Variants in PTPRQ observed in about 807,000 individuals in gnomAD.
PTPRQ encodes phosphatidylinositol phosphatase PTPRQ.
A neutral mutation model predicts 246.0 loss-of-function variants in PTPRQ; 199 were observed. The ratio of observed to expected loss-of-function variants is 0.81; its 90% CI spans 0.72 to 0.91. The LOEUF (loss-of-function observed/expected upper bound fraction) is 0.91, where lower values mean the gene tolerates loss of function less well. Among genes scored for constraint, PTPRQ ranks in the 40% least tolerant of loss-of-function variants. The pLI is 0.00. For missense variants in PTPRQ, 2,624 were observed against 2,528.4 expected (o/e 1.04, Z -0.81); for synonymous variants, 869 against 853.2 (o/e 1.02, Z -0.32).
At chr12:80,478,686 C>G (rs1030865025) in intron 8 of PTPRQ, among the ~76,000 whole-genome samples, 8 of 152,122 alleles carry the variant, frequency 5.3e-5, no homozygotes, top group Non-Finnish European at 1.2e-4. Context: ...CTTAAAGGAG[C>G]TGATGGAACT....
In PTPRQ at chr12:80,628,927, A is replaced by G. The variant is rs78333359; in HGVS notation, c.5687-3265A>G. Among the ~76,000 whole-genome samples, 927 of 152,190 alleles carry G rather than the reference A, an allele frequency of 6.1e-3. 10 individuals carry two copies. Among genetic ancestry groups the G allele is most frequent in the African/African-American group, 0.021 (863 of 41,522 alleles). On this transcript the variant is annotated intron_variant, in intron 33 of 44. Transcript: ENST00000644991. ...AGTCTGCTCAGGCTGCCATCACAAA[A>G]TATCATAGATGGGGTGTGTTAAACA...
In PTPRQ at chr12:80,450,404, C is replaced by T. The variant is rs150980677; in HGVS notation, c.390+4687C>T. ...TGGCTAATTGCCCTGGGCAGAACTT[C>T]CAACACTATGTTGAATAGGAGTGGT... On this transcript the variant is annotated intron_variant, in intron 3 of 44. Coordinates refer to ENST00000644991, the MANE Select transcript of PTPRQ (RefSeq NM_001145026.2). Among the ~76,000 whole-genome samples, 186 of 152,308 alleles carry T rather than the reference C, an allele frequency of 1.2e-3. 2 individuals are homozygous for T. The East Asian group carries it at 0.015, about 13-fold the overall frequency.
chr12:80,672,482 A>T (rs976858303), intron 42 of PTPRQ, among the ~76,000 whole-genome samples: 2 of 151,690 alleles, frequency 1.3e-5, no homozygotes, highest in Non-Finnish European at 2.9e-5. Flanking sequence ...ACTTTCAAAA[A>T]TTTTTTTCGA....
intron 32 of PTPRQ, among the ~76,000 whole-genome samples, chr12:80,621,716 A>AT (rs1169177861): frequency 2.8e-4 from 43 of 152,010 alleles, no homozygotes; most frequent in African/African-American, 9.7e-4. Context: ...TTATTTATAA[A>AT]TTATGTTAGT....
intron 28 of PTPRQ, among the ~76,000 whole-genome samples, chr12:80,611,887 T>C (rs1286594247): frequency 6.6e-6 from 1 of 150,492 alleles, no homozygotes; most frequent in Non-Finnish European, 1.5e-5. Context: ...CAACTTAACC[T>C]TTATTTTAGC....
chr12:80,569,449 T>C (rs1897079232), intron 25 of PTPRQ, among the ~76,000 whole-genome samples: 1 of 148,604 alleles, frequency 6.7e-6, no homozygotes, highest in Non-Finnish European at 1.5e-5. Flanking sequence ...AGATGACGAG[T>C]TAGTGGGTGC....
chr12:80,532,698 T>C (rs1895879454), intron 17 of PTPRQ, among the ~76,000 whole-genome samples: 1 of 151,928 alleles, frequency 6.6e-6, no homozygotes, highest in African/African-American at 2.4e-5. Flanking sequence ...CTCAATGGAG[T>C]CAAAGAAAAC....
chr12:80,537,966 G>A (rs1433134524), intron 19 of PTPRQ, among the ~76,000 whole-genome samples: 3 of 151,998 alleles, frequency 2.0e-5, no homozygotes, highest in African/African-American at 4.8e-5. Flanking sequence ...AAAATTAGCC[G>A]GGCATGGTGG....
At chr12:80,498,791 C>T (rs1262224441) in intron 14 of PTPRQ, among the ~76,000 whole-genome samples, 4 of 151,912 alleles carry the variant, frequency 2.6e-5, no homozygotes, top group Admixed American at 1.3e-4. Context: ...TCAAGTATTT[C>T]GTTTAAGTGG....
At chr12:80,538,776 T>A (rs1592629650) in intron 19 of PTPRQ, among the ~76,000 whole-genome samples, 1 of 105,504 alleles carries the variant, frequency 9.5e-6, no homozygotes, top group African/African-American at 4.0e-5. Context: ...TGTTTTTTTT[T>A]AATTGTGTGC....
intron 5 of PTPRQ, among the ~76,000 whole-genome samples, chr12:80,460,399 T>A (rs1439023765): frequency 6.6e-6 from 1 of 152,196 alleles, no homozygotes; most frequent in Non-Finnish European, 1.5e-5. Context: ...TGTGCTGTAG[T>A]TTTACCTTTA....
chr12:80,525,507 A>G (rs995769387), intron 17 of PTPRQ, among the ~76,000 whole-genome samples: 2 of 152,202 alleles, frequency 1.3e-5, no homozygotes, highest in Admixed American at 1.3e-4. Context: ...TCTTGAAGCC[A>G]GAATAAGAAG....
chr12:80,477,025 GT>G (rs1893831599), intron 8 of PTPRQ, among the ~76,000 whole-genome samples: 1 of 152,224 alleles, frequency 6.6e-6, no homozygotes. Context: ...GGGGATATTT[GT>G]TTTTTGCCCG....
intron 8 of PTPRQ, among the ~76,000 whole-genome samples, chr12:80,477,256 T>G (rs984421606): frequency 3.9e-5 from 6 of 152,194 alleles, no homozygotes; most frequent in African/African-American, 1.4e-4. Context: ...CAATTTCATG[T>G]AATAAATTAA....
In PTPRQ at chr12:80,495,225, AT is replaced by A. The variant is rs1230191191; in HGVS notation, c.1737del (p.Asn579LysfsTer21). 9.7e-6 allele frequency: 15 copies of A among 1,538,728 alleles called. No individual in the cohort carries two copies. The highest frequency in any genetic ancestry group is 1.3e-5 in the Non-Finnish European group (15 of 1,142,848). On this transcript the variant is annotated frameshift_variant, in exon 12 of 45. Coordinates refer to ENST00000644991, the MANE Select transcript of PTPRQ (RefSeq NM_001145026.2). LOFTEE classifies it high-confidence loss of function. Reference sequence around the variant, plus strand: ...TCCATTAAAATTATAAACTATAAAAATATTAGTTCTTCATCTATTTTGTTAT... The same window carrying A: ...TCCATTAAAATTATAAACTATAAAAAATTAGTTCTTCATCTATTTTGTTAT... ...PSSIKIINYK[N>X]ISSSSILLYW...
At chr12:80,532,458 T>G (rs575683746) in intron 17 of PTPRQ, among the ~76,000 whole-genome samples, 1 of 152,230 alleles carries the variant, frequency 6.6e-6, no homozygotes, top group Admixed American at 6.5e-5. Context: ...TGGTCTCAAG[T>G]GATCCAACCG....
chr12:80,519,184 G>T (rs1895396889), intron 17 of PTPRQ, among the ~76,000 whole-genome samples: 1 of 151,878 alleles, frequency 6.6e-6, no homozygotes, highest in Non-Finnish European at 1.5e-5. Flanking sequence ...TTATTATAGA[G>T]AACTTTTACT....
intron 6 of PTPRQ, among the ~76,000 whole-genome samples, chr12:80,466,539 G>A (rs1430220062): frequency 5.3e-5 from 8 of 152,078 alleles, no homozygotes; most frequent in Non-Finnish European, 7.4e-5. Context: ...AAAGGAGCCC[G>A]CATTGCCAAG....
chr12:80,480,088 C>G lies in PTPRQ; in HGVS notation c.1187-4345C>G, dbSNP rs542320797. On this transcript the variant is annotated intron_variant, in intron 8 of 44. Coordinates refer to ENST00000644991, the MANE Select transcript of PTPRQ (RefSeq NM_001145026.2). ...AATATACATTTTTTTCAGCACCACA[C>G]CACACCTATTCCAAAATTGACTACA... Among the ~76,000 whole-genome samples, 68 of 152,180 alleles carry G rather than the reference C, an allele frequency of 4.5e-4. No homozygotes were observed. In the East Asian group the frequency reaches 0.012, roughly 28 times the overall value.
Sources: gnomAD v4.1 joint callset for allele counts (sites outside exome capture counted in the v4.1 genomes callset) on GRCh38, gnomAD v4.1.1 for gene constraint, MANE v1.5 for transcripts, NCBI Gene and HGNC (gene_info 2026-07-23, HGNC 2026-07-21) for gene names.